Variants in KCNMA1 observed in about 807,000 individuals in gnomAD.
KCNMA1 encodes the protein Calcium-activated potassium channel subunit alpha-1.
In KCNMA1, 29 loss-of-function variants were observed where a neutral mutation model predicts 140.0. That is an observed-to-expected ratio of 0.21 (90% CI 0.15 to 0.28). The LOEUF (loss-of-function observed/expected upper bound fraction) is 0.28, where lower values mean the gene tolerates loss of function less well. Ranked by LOEUF, KCNMA1 falls within the 10% of genes least tolerant of loss-of-function variation. The probability of loss-of-function intolerance (pLI) is 1.00; values close to 1 mark genes in which losing one functional copy is unlikely to be tolerated. For synonymous variants in KCNMA1, 612 were observed against 611.9 expected, an observed-to-expected ratio of 1.00 and a Z score of 0.00; for missense variants, 880 against 1,602.2, an observed-to-expected ratio of 0.55 and a Z score of 7.70.
At chr10:77,282,344 G>A (rs901310585) in intron 2 of KCNMA1, among the ~76,000 whole-genome samples, 1 of 152,104 alleles carries the variant, frequency 6.6e-6, no homozygotes, top group South Asian at 2.1e-4. Flanking sequence ...GTGCCACCAC[G>A]TGGACTTTGC....
At chr10:76,973,085 C>T (rs2076533848) in intron 19 of KCNMA1, 1 of 152,294 alleles carries the variant, frequency 6.6e-6, no homozygotes, top group African/African-American at 2.4e-5. Context: ...TGGGCCACTA[C>T]CTCATGACGA....
In KCNMA1 at chr10:77,238,590, G is replaced by T. The variant is rs190977057; in HGVS notation, c.602+12605C>A. On this transcript the variant is annotated intron_variant, in intron 3 of 27. Transcript: ENST00000286628. ...TCATTGTTGAGATTTTGAATGCATT[G>T]CAGGTTAAGGGACACTTGATCAAGA... is the stretch of plus-strand genomic sequence containing the variant. 2.8e-4 allele frequency among the ~76,000 whole-genome samples: 43 copies of T among 152,272 alleles called. No homozygotes were observed. The East Asian group carries it at 7.0e-3, about 25-fold the overall frequency.
chr10:77,417,407 G>A (rs929453811), intron 1 of KCNMA1, among the ~76,000 whole-genome samples: 3 of 152,180 alleles, frequency 2.0e-5, no homozygotes, highest in African/African-American at 7.2e-5. Flanking sequence ...AGTGGGCACT[G>A]GAAAAGCAAG....
intron 2 of KCNMA1, among the ~76,000 whole-genome samples, chr10:77,265,046 A>G (rs1394871962): frequency 6.6e-6 from 1 of 152,044 alleles, no homozygotes; most frequent in African/African-American, 2.4e-5. Context: ...TCATAGCATC[A>G]AAAGACTCTT....
intron 3 of KCNMA1, among the ~76,000 whole-genome samples, chr10:77,234,207 A>G (rs1197459614): frequency 6.6e-6 from 1 of 152,170 alleles, no homozygotes; most frequent in Non-Finnish European, 1.5e-5. Context: ...TTTTCTTATA[A>G]TCCAATGTTT....
chr10:77,273,577 A>G (rs2065795141), intron 2 of KCNMA1, among the ~76,000 whole-genome samples: 1 of 152,230 alleles, frequency 6.6e-6, no homozygotes, highest in Admixed American at 6.5e-5. Context: ...TTTAATGTCA[A>G]ATTGAAACAA....
At chr10:77,537,297 A>G (rs1414830424) in intron 1 of KCNMA1, among the ~76,000 whole-genome samples, 1 of 152,108 alleles carries the variant, frequency 6.6e-6, no homozygotes. Flanking sequence ...ATCCTATGTC[A>G]TGCATCACTG....
At chr10:77,506,561 G>A (rs1269209559) in intron 1 of KCNMA1, among the ~76,000 whole-genome samples, 2 of 147,072 alleles carry the variant, frequency 1.4e-5, no homozygotes, top group East Asian at 2.0e-4. Flanking sequence ...GAGGGAAAGA[G>A]AGATGTTCCT....
At chr10:77,524,936 C>T (rs901908432) in intron 1 of KCNMA1, among the ~76,000 whole-genome samples, 1 of 152,176 alleles carries the variant, frequency 6.6e-6, no homozygotes, top group Non-Finnish European at 1.5e-5. Context: ...ATATGATCCC[C>T]GGCCTCCCTC....
intron 1 of KCNMA1, among the ~76,000 whole-genome samples, chr10:77,525,882 G>A (rs2055420588): frequency 6.6e-6 from 1 of 152,134 alleles, no homozygotes; most frequent in Admixed American, 6.5e-5. Flanking sequence ...ACCAGCTGGT[G>A]GGTCCTGTCT....
At chr10:77,454,856 A>G (rs1464100574) in intron 1 of KCNMA1, among the ~76,000 whole-genome samples, 2 of 152,158 alleles carry the variant, frequency 1.3e-5, no homozygotes, top group Admixed American at 6.5e-5. Flanking sequence ...AATGGGCCCA[A>G]GTATCCTAGG....
intron 1 of KCNMA1, chr10:77,636,651 T>G: frequency 6.5e-7 from 1 of 1,535,928 alleles, no homozygotes; most frequent in Non-Finnish European, 8.7e-7. Context: ...CTACCCCCAA[T>G]AGTGGGATGG....
At chr10:77,238,554 A>T (rs867802954) in intron 3 of KCNMA1, among the ~76,000 whole-genome samples, 1 of 152,232 alleles carries the variant, frequency 6.6e-6, no homozygotes, top group Admixed American at 6.5e-5. Context: ...GAGTTTCCTT[A>T]GCATCACCTG....
intron 1 of KCNMA1, among the ~76,000 whole-genome samples, chr10:77,442,444 A>C (rs2097427284): frequency 1.3e-5 from 2 of 151,722 alleles, no homozygotes; most frequent in African/African-American, 4.8e-5. Context: ...CCTACCCCTA[A>C]TCTTAGCAGG....
intron 2 of KCNMA1, among the ~76,000 whole-genome samples, chr10:77,326,428 A>G (rs991532963): frequency 2.0e-5 from 3 of 152,232 alleles, no homozygotes; most frequent in Admixed American, 6.5e-5. Context: ...TAAATTTTAA[A>G]TTATGATGCA....
chr10:77,225,496 C>A (rs1427071941), intron 3 of KCNMA1, among the ~76,000 whole-genome samples: 2 of 152,174 alleles, frequency 1.3e-5, no homozygotes, highest in African/African-American at 4.8e-5. Flanking sequence ...ACAGCAAAAA[C>A]CATGTCCAGT....
At position 77,448,491 on chromosome 10, in the gene KCNMA1, T is replaced by C. The variant is rs527393795; in HGVS notation, c.379-44468A>G. ...CCTCACCACAATCTTACAAGGCTATTGTTGACATAGTCACTTTACATATGA... is the reference window on the plus strand; with the variant it reads ...CCTCACCACAATCTTACAAGGCTATCGTTGACATAGTCACTTTACATATGA... On this transcript the variant is annotated intron_variant, in intron 1 of 27. Transcript: ENST00000286628. Among the ~76,000 whole-genome samples the C allele has an allele frequency of 2.6e-5, 4 of 152,296 alleles. No individual in the cohort carries two copies. The East Asian group carries it at 7.7e-4, about 29-fold the overall frequency.
Position 77,470,047 on chromosome 10 carries a change from G to A in KCNMA1, c.379-66024C>T, listed in dbSNP as rs533917137. On this transcript the variant is annotated intron_variant, in intron 1 of 27. Transcript: ENST00000286628. Reference sequence around the variant, plus strand: ...CTGCTCCTTCTGTCAGCAGTGGTGAGAAGGAGGCCAGGGTCGGATGCGTCC... The same window carrying A: ...CTGCTCCTTCTGTCAGCAGTGGTGAAAAGGAGGCCAGGGTCGGATGCGTCC... 6.6e-5 allele frequency among the ~76,000 whole-genome samples: 10 copies of A among 152,246 alleles called. No homozygotes were observed. The East Asian group carries it at 1.9e-3, about 30-fold the overall frequency.
chr10:77,170,256 G>T (rs1237303494), intron 5 of KCNMA1, among the ~76,000 whole-genome samples: 2 of 152,204 alleles, frequency 1.3e-5, no homozygotes, highest in Non-Finnish European at 2.9e-5. Flanking sequence ...CCTATCATCT[G>T]TTCTTACTCT....
Sources: gnomAD v4.1 joint callset for allele counts (sites outside exome capture counted in the v4.1 genomes callset) on GRCh38, gnomAD v4.1.1 for gene constraint, MANE v1.5 for transcripts, NCBI Gene and HGNC (gene_info 2026-07-23, HGNC 2026-07-21) for gene names.